Variants in SYT1 observed in about 807,000 individuals in gnomAD.
The protein encoded by SYT1 is synaptotagmin-1.
SYT1 carries 8 observed loss-of-function variants against 44.8 expected under a neutral mutation model. The observed-to-expected ratio is 0.18, with a 90% CI of 0.10 to 0.32. SYT1 has a LOEUF of 0.32. SYT1 is among the 10% of genes least tolerant of loss of function. The pLI is 1.00. For missense variants in SYT1, 286 were observed against 509.3 expected, an observed-to-expected ratio of 0.56 and a Z score of 4.22; for synonymous variants, 154 against 188.8, an observed-to-expected ratio of 0.82 and a Z score of 1.51.
chr12:79,359,368 CCTTTCA>C (rs1302352403), intron 9 of SYT1, among the ~76,000 whole-genome samples: 1 of 152,076 alleles, frequency 6.6e-6, no homozygotes, highest in African/African-American at 2.4e-5. Flanking sequence ...TTTTTCTGTC[CCTTTCA>C]CTCTGTGTTC....
chr12:78,917,482 G>A (rs1298821449), intron 1 of SYT1, among the ~76,000 whole-genome samples: 1 of 152,014 alleles, frequency 6.6e-6, no homozygotes, highest in African/African-American at 2.4e-5. Context: ...GAGTGGAGAG[G>A]GATAGCATTA....
rs977147019 is a variant in SYT1 at position 79,335,320 on chromosome 12, T to C, written c.811-18182T>C. 3.9e-5 allele frequency among the ~76,000 whole-genome samples: 6 copies of C among 152,076 alleles called. No homozygotes were observed. In the East Asian group the frequency reaches 5.8e-4, roughly 15 times the overall value. On this transcript the variant is annotated intron_variant, in intron 8 of 10. Transcript: ENST00000261205. ...TATGTTTGTCTGTTTTTCCAGCCTT[T>C]CCTCGTATTTCTTCTGTGTGTTCTT...
intron 6 of SYT1, among the ~76,000 whole-genome samples, chr12:79,293,776 T>A (rs1211255686): frequency 6.6e-6 from 1 of 152,232 alleles, no homozygotes; most frequent in Non-Finnish European, 1.5e-5. Flanking sequence ...TAAAAATAAT[T>A]TTTTGATCAG....
intron 2 of SYT1, among the ~76,000 whole-genome samples, chr12:79,043,263 G>T (rs569014058): frequency 6.7e-6 from 1 of 149,212 alleles, no homozygotes; most frequent in Non-Finnish European, 1.5e-5. Flanking sequence ...GGGAGTCTAA[G>T]TCTCTTTGTG....
At chr12:79,029,358 T>TA (rs199597216) in intron 2 of SYT1, among the ~76,000 whole-genome samples, 10,301 of 133,002 alleles carry the variant, frequency 0.077, 531 homozygotes, top group African/African-American at 0.15. Flanking sequence ...TACAAATCAG[T>TA]AAAAAAAAAA....
At chr12:79,411,227 T>A (rs984343072) in intron 9 of SYT1, among the ~76,000 whole-genome samples, 12 of 152,166 alleles carry the variant, frequency 7.9e-5, no homozygotes, top group Non-Finnish European at 1.6e-4. Flanking sequence ...CATGGACCTG[T>A]GTGGCACATG....
intron 3 of SYT1, among the ~76,000 whole-genome samples, chr12:79,083,621 A>C (rs1330612319): frequency 1.3e-5 from 2 of 152,222 alleles, no homozygotes; most frequent in East Asian, 1.9e-4. Flanking sequence ...AACGTATATT[A>C]ATGTAAAAAA....
At chr12:79,102,271 TC>T (rs1198080013) in intron 3 of SYT1, among the ~76,000 whole-genome samples, 34 of 106,462 alleles carry the variant, frequency 3.2e-4, no homozygotes, top group African/African-American at 1.2e-3. Flanking sequence ...TCTCTCTCTT[TC>T]TCTCTCTCTC....
At chr12:79,340,467 T>C (rs1030182222) in intron 8 of SYT1, among the ~76,000 whole-genome samples, 1 of 152,202 alleles carries the variant, frequency 6.6e-6, no homozygotes, top group African/African-American at 2.4e-5. Flanking sequence ...TTTGGCTCTC[T>C]GTTTGTCTGT....
At chr12:79,389,393 T>G (rs562424810) in intron 9 of SYT1, among the ~76,000 whole-genome samples, 2 of 152,304 alleles carry the variant, frequency 1.3e-5, no homozygotes, top group South Asian at 4.1e-4. Flanking sequence ...ATTGAGACCA[T>G]TTTTAGTTAA....
At chr12:79,364,930 G>A (rs1883479225) in intron 9 of SYT1, among the ~76,000 whole-genome samples, 1 of 151,966 alleles carries the variant, frequency 6.6e-6, no homozygotes, top group Non-Finnish European at 1.5e-5. Flanking sequence ...TCCTTATTAA[G>A]GAAACAAATG....
chr12:79,393,526 G>A (rs886232300), intron 9 of SYT1: 1 of 152,142 alleles, frequency 6.6e-6, no homozygotes, highest in African/African-American at 2.4e-5. Context: ...ATCTCATTGT[G>A]GTTTTGATTT....
intron 4 of SYT1, among the ~76,000 whole-genome samples, chr12:79,230,093 GC>G (rs1413969441): frequency 1.6e-4 from 25 of 152,104 alleles, no homozygotes. Flanking sequence ...AATTTCAAAA[GC>G]CCCATAGGAC....
chr12:79,050,391 C>T (rs926189379), intron 3 of SYT1, among the ~76,000 whole-genome samples: 1 of 151,916 alleles, frequency 6.6e-6, no homozygotes, highest in Non-Finnish European at 1.5e-5. Flanking sequence ...ATAAGTGGAC[C>T]TGCATAGTTC....
At chr12:78,911,125 A>T (rs939412449) in intron 1 of SYT1, among the ~76,000 whole-genome samples, 26 of 152,034 alleles carry the variant, frequency 1.7e-4, no homozygotes, top group Admixed American at 3.3e-4. Flanking sequence ...AATAGGTGAA[A>T]GTAGCACTAA....
Position 79,293,718 on chromosome 12 carries a change from A to C in SYT1, c.474+1588A>C, listed in dbSNP as rs17005456. On this transcript the variant is annotated intron_variant, in intron 6 of 10. Transcript: ENST00000261205. ...TTCTAATAATGTCTTCACTTTCTAAAGTTTCCAGAGGGTTCCTCATGAAGG... is the reference window on the plus strand; with the variant it reads ...TTCTAATAATGTCTTCACTTTCTAACGTTTCCAGAGGGTTCCTCATGAAGG... 8.1e-3 allele frequency among the ~76,000 whole-genome samples: 1,233 copies of C among 152,316 alleles called. 13 individuals are homozygous for C. Among genetic ancestry groups the C allele is most frequent in the African/African-American group, 0.028 (1,166 of 41,566 alleles).
rs192702475 is a variant in SYT1, at chr12:79,171,099, A to G, written c.-17-46404A>G. 1.6e-3 allele frequency among the ~76,000 whole-genome samples: 242 copies of G among 151,994 alleles called. 1 individual carries two copies. The highest frequency in any genetic ancestry group is 5.4e-3 in the African/African-American group (225 of 41,518). On this transcript the variant is annotated intron_variant, in intron 3 of 10. Transcript: ENST00000261205. ...ATGCTGTTTGGATTACTGTAGCCCT[A>G]CAATATAGTTTGAAGTTGGGTAGTG...
At chr12:79,265,031 A>G (rs1444438937) in intron 4 of SYT1, among the ~76,000 whole-genome samples, 2 of 152,050 alleles carry the variant, frequency 1.3e-5, no homozygotes, top group Non-Finnish European at 2.9e-5. Context: ...TTCATCTTTT[A>G]TCTAGACAGC....
intron 8 of SYT1, among the ~76,000 whole-genome samples, chr12:79,344,057 C>A (rs1882495392): frequency 6.6e-6 from 1 of 152,174 alleles, no homozygotes; most frequent in Non-Finnish European, 1.5e-5. Flanking sequence ...TATATGATTT[C>A]CCAGCCAGAA....
Sources: allele counts gnomAD v4.1 joint callset (sites outside exome capture counted in the v4.1 genomes callset), GRCh38; gene constraint gnomAD v4.1.1; transcripts MANE v1.5; gene names NCBI Gene and HGNC (gene_info 2026-07-23, HGNC 2026-07-21).